DSCAM: variants seen among roughly 807,000 people sequenced by gnomAD.
DSCAM encodes cell adhesion molecule DSCAM.
Under a neutral mutation model 217.7 loss-of-function variants are expected in DSCAM, and 47 were observed. That is an observed-to-expected ratio of 0.22 (90% confidence interval 0.17 to 0.28). The LOEUF is 0.28. DSCAM is among the 10% of genes least tolerant of loss of function. The pLI is 1.00. For missense variants in DSCAM, 2,080 were observed against 2,618.3 expected, an observed-to-expected ratio of 0.79 and a Z score of 4.49; for synonymous variants, 1,056 against 1,015.3, an observed-to-expected ratio of 1.04 and a Z score of -0.76.
intron 1 of DSCAM, among the ~76,000 whole-genome samples, chr21:40,808,432 G>T (rs1037672725): frequency 6.6e-6 from 1 of 151,656 alleles, no homozygotes; most frequent in African/African-American, 2.4e-5. Flanking sequence ...AGAGAGAAAG[G>T]TCTTTGAGAT....
At chr21:40,735,804 A>G (rs2091057825) in intron 1 of DSCAM, among the ~76,000 whole-genome samples, 1 of 152,188 alleles carries the variant, frequency 6.6e-6, no homozygotes, top group Non-Finnish European at 1.5e-5. Flanking sequence ...AAATGGGCAG[A>G]CTTTTTTCTC....
intron 3 of DSCAM, among the ~76,000 whole-genome samples, chr21:40,508,426 T>C (rs974739239): frequency 6.6e-6 from 1 of 152,118 alleles, no homozygotes; most frequent in Non-Finnish European, 1.5e-5. Flanking sequence ...AACTCTATTA[T>C]GTATTTCAAA....
At chr21:40,790,627 T>C (rs915909707) in intron 1 of DSCAM, among the ~76,000 whole-genome samples, 1 of 152,156 alleles carries the variant, frequency 6.6e-6, no homozygotes. Context: ...GAGGGAGTAA[T>C]TGTGTGTTAT....
At chr21:40,451,120 G>A (rs986072425) in intron 3 of DSCAM, among the ~76,000 whole-genome samples, 2 of 152,156 alleles carry the variant, frequency 1.3e-5, no homozygotes, top group Non-Finnish European at 1.5e-5. Flanking sequence ...TCATCTCTGG[G>A]CATTCAGCCC....
Position 40,190,723 on chromosome 21 carries a change from T to C in DSCAM, c.2357-1485A>G, listed in dbSNP as rs191413239. ...AGCTAACATACTCTAGAAGAATGTG[T>C]CCTCTGTCCAGGCCCACTGAAATGC... On this transcript the variant is annotated intron_variant, in intron 11 of 32. Transcript: ENST00000400454. 9.0e-4 allele frequency among the ~76,000 whole-genome samples: 137 copies of C among 152,222 alleles called. 1 individual carries two copies. The highest frequency in any genetic ancestry group is 2.8e-3 in the Admixed American group (43 of 15,292).
At chr21:40,506,568 C>T (rs565073221) in intron 3 of DSCAM, among the ~76,000 whole-genome samples, 1 of 152,318 alleles carries the variant, frequency 6.6e-6, no homozygotes, top group African/African-American at 2.4e-5. Flanking sequence ...GGAGAGTTAG[C>T]AGCCCTTTCA....
chr21:40,369,447 T>G (rs1324159589), intron 3 of DSCAM, among the ~76,000 whole-genome samples: 1 of 151,860 alleles, frequency 6.6e-6, no homozygotes, highest in Non-Finnish European at 1.5e-5. Context: ...GCTGTTTTAA[T>G]TTTTTGACTA....
At chr21:40,516,418 C>T (rs560313989) in intron 3 of DSCAM, among the ~76,000 whole-genome samples, 2 of 152,164 alleles carry the variant, frequency 1.3e-5, no homozygotes, top group African/African-American at 4.8e-5. Flanking sequence ...CCCCAAAACA[C>T]TGGCAGTTCC....
chr21:40,415,976 A>G (rs765928846), intron 3 of DSCAM, among the ~76,000 whole-genome samples: 1 of 152,220 alleles, frequency 6.6e-6, no homozygotes, highest in Non-Finnish European at 1.5e-5. Flanking sequence ...ACAGGCACAC[A>G]GGATTACTTC....
At chr21:40,611,455 T>C (rs2089314197) in intron 3 of DSCAM, among the ~76,000 whole-genome samples, 1 of 152,198 alleles carries the variant, frequency 6.6e-6, no homozygotes, top group African/African-American at 2.4e-5. Flanking sequence ...AGACAATTGA[T>C]ACCCTTTGAT....
intron 3 of DSCAM, among the ~76,000 whole-genome samples, chr21:40,438,800 A>G (rs551727169): frequency 3.3e-5 from 5 of 152,204 alleles, no homozygotes; most frequent in African/African-American, 7.2e-5. Context: ...TGTAACATAC[A>G]TGCTGAGAGC....
chr21:40,141,057 C>T (rs1260447906), intron 18 of DSCAM, among the ~76,000 whole-genome samples: 1 of 152,108 alleles, frequency 6.6e-6, no homozygotes, highest in Non-Finnish European at 1.5e-5. Flanking sequence ...CAGTTAGGGA[C>T]ATGCAGAGCT....
chr21:40,452,442 G>C (rs2075728091), intron 3 of DSCAM, among the ~76,000 whole-genome samples: 1 of 151,922 alleles, frequency 6.6e-6, no homozygotes, highest in African/African-American at 2.4e-5. Context: ...AAGTTAAGAA[G>C]TTAAAGAGTG....
At chr21:40,599,855 G>C (rs35237291) in intron 3 of DSCAM, among the ~76,000 whole-genome samples, 33,249 of 152,080 alleles carry the variant, frequency 0.22, 3,755 homozygotes, top group East Asian at 0.31. Context: ...AGAAAATCTA[G>C]AAGAAATGGA....
intron 11 of DSCAM, among the ~76,000 whole-genome samples, chr21:40,191,485 C>T (rs755564637): frequency 1.3e-5 from 2 of 152,126 alleles, no homozygotes; most frequent in Non-Finnish European, 2.9e-5. Context: ...CCCCCCTTCC[C>T]CTAGCCTATA....
chr21:40,394,909 T>C (rs1223611773), intron 3 of DSCAM, among the ~76,000 whole-genome samples: 1 of 152,232 alleles, frequency 6.6e-6, no homozygotes, highest in Non-Finnish European at 1.5e-5. Flanking sequence ...TTTAAAACTT[T>C]AATCCCAGGA....
At chr21:40,821,385 A>ACG (rs2091925890) in intron 1 of DSCAM, among the ~76,000 whole-genome samples, 1 of 139,700 alleles carries the variant, frequency 7.2e-6, no homozygotes, top group Non-Finnish European at 1.6e-5. Context: ...ACACACAGAC[A>ACG]CACGCGCGCA....
intron 26 of DSCAM, among the ~76,000 whole-genome samples, chr21:40,077,047 T>C (rs1224955448): frequency 1.3e-5 from 2 of 152,144 alleles, no homozygotes; most frequent in Non-Finnish European, 2.9e-5. Flanking sequence ...GGGGACACCT[T>C]TGAATGAAGT....
chr21:40,085,845 T>TC, intron 22 of DSCAM, 80 bp from the exon 23 acceptor site: 1 of 1,260,072 alleles, frequency 7.9e-7, no homozygotes, highest in Non-Finnish European at 1.0e-6. Context: ...ACAGAAAGAC[T>TC]CTGTGAAGCA....
Sources: allele counts gnomAD v4.1 joint callset (sites outside exome capture counted in the v4.1 genomes callset), GRCh38; gene constraint gnomAD v4.1.1; transcripts MANE v1.5; gene names NCBI Gene and HGNC (gene_info 2026-07-23, HGNC 2026-07-21).